N4BP2L1: variants seen among roughly 807,000 people sequenced by gnomAD.
N4BP2L1 encodes the protein NEDD4-binding protein 2-like 1.
N4BP2L1 carries 12 observed loss-of-function variants against 21.2 expected under a neutral mutation model. That is an observed-to-expected ratio of 0.57 (90% confidence interval 0.36 to 0.92). The LOEUF (loss-of-function observed/expected upper bound fraction) is 0.92. Ranked by LOEUF, N4BP2L1 falls within the 40% of genes least tolerant of loss-of-function variation. The pLI is 0.01. For synonymous variants in N4BP2L1, 104 were observed against 112.8 expected (o/e 0.92, Z 0.49); for missense variants, 259 against 310.6 (o/e 0.83, Z 1.25).
At chr13:32,404,823 G>C (rs755697048) in intron 3 of N4BP2L1, among the ~76,000 whole-genome samples, 1 of 151,512 alleles carries the variant, frequency 6.6e-6, no homozygotes, top group East Asian at 1.9e-4. Flanking sequence ...GAACATAACT[G>C]GTGAAATAAA....
chr13:32,408,024 C>A (rs1369272779), intron 1 of N4BP2L1, among the ~76,000 whole-genome samples: 1 of 152,234 alleles, frequency 6.6e-6, no homozygotes, highest in Non-Finnish European at 1.5e-5. Context: ...GGCACAGTCA[C>A]TGCCGCTGCC....
rs931948322 is a variant in N4BP2L1, at chr13:32,411,614, G to A, written c.180-3842C>T. On this transcript the variant is annotated intron_variant, in intron 1 of 4. Coordinates refer to ENST00000380130, the MANE Select transcript of N4BP2L1 (RefSeq NM_052818.3). Reference sequence around the variant, plus strand: ...GAGCCTCATGCATTAGGGAAATTGAGAGAATGAAAATAAAAGGGAAAAAAT... The same window carrying A: ...GAGCCTCATGCATTAGGGAAATTGAAAGAATGAAAATAAAAGGGAAAAAAT... 4.1e-6 allele frequency: 4 copies of A among 984,970 alleles called. No homozygotes were observed. The African/African-American group carries it at 7.0e-5, about 17-fold the overall frequency. The allele number at this position is 984,970 out of a possible 1,614,324, so 61.0% of individuals were successfully genotyped here. A position where few individuals can be genotyped will look rare whatever the true frequency, so the allele number is the denominator to read the frequency against.
rs141079051 is a variant in N4BP2L1 at position 32,405,727 on chromosome 13, T to G, written c.397-1330A>C. ...ACAATCTGGGCATAAGTGGAACTGA[T>G]GAAGATCATTAGAGAAAAGCACACC... On this transcript the variant is annotated intron_variant, in intron 3 of 4. Transcript: ENST00000380130. 3.6e-3 allele frequency among the ~76,000 whole-genome samples: 546 copies of G among 152,162 alleles called. 2 individuals are homozygous for G. The highest frequency in any genetic ancestry group is 6.0e-3 in the Non-Finnish European group (407 of 67,998).
At chr13:32,404,121 A>C (rs957174373) in intron 4 of N4BP2L1, 200 bp downstream of exon 4, 6 of 1,582,296 alleles carry the variant, frequency 3.8e-6, no homozygotes, top group Non-Finnish European at 5.2e-6. Context: ...AAGATTTAGC[A>C]TTTAGCATTA....
At chr13:32,427,347 C>T (rs1031275504) in intron 1 of N4BP2L1, among the ~76,000 whole-genome samples, 2 of 152,248 alleles carry the variant, frequency 1.3e-5, no homozygotes, top group Admixed American at 6.5e-5. Flanking sequence ...ACGGCCGCCC[C>T]GGGCCCCCAC....
intron 4 of N4BP2L1, chr13:32,403,601 T>C (rs552827232): frequency 3.6e-5 from 17 of 473,756 alleles, no homozygotes; most frequent in African/African-American, 3.2e-4. Flanking sequence ...TAAAACAATC[T>C]TAAATTCTAG....
chr13:32,403,274 G>T, intron 4 of N4BP2L1, 74 bp from the exon 5 acceptor site: 3 of 1,455,886 alleles, frequency 2.1e-6, no homozygotes, highest in Non-Finnish European at 1.9e-6. Flanking sequence ...AAGTCCTCTA[G>T]TATTGCAGAT....
intron 3 of N4BP2L1, chr13:32,406,349 A>G (rs1397504337): frequency 6.6e-6 from 1 of 152,252 alleles, no homozygotes; most frequent in African/African-American, 2.4e-5. Flanking sequence ...GCACACTGTT[A>G]CAGGCATCGT....
At position 32,403,903 on chromosome 13, in the gene N4BP2L1, G is replaced by A. The variant is rs561314766; in HGVS notation, c.473+418C>T. On this transcript the variant is annotated intron_variant, in intron 4 of 4. Coordinates refer to ENST00000380130, the MANE Select transcript of N4BP2L1 (RefSeq NM_052818.3). Reference sequence around the variant, plus strand: ...TTCAATCAACAAGTTAGTATTATTTGAACATTTATTGCTTTATAAATTAGA... The same window carrying A: ...TTCAATCAACAAGTTAGTATTATTTAAACATTTATTGCTTTATAAATTAGA... 17 of 491,988 alleles carry A rather than the reference G, an allele frequency of 3.5e-5. No homozygotes were observed. In the East Asian group the frequency reaches 6.2e-4, roughly 18 times the overall value. The allele number at this position is 491,988 out of a possible 1,614,324, so 30.5% of individuals were successfully genotyped here.
chr13:32,402,149 T>G lies in N4BP2L1; in HGVS notation c.*793A>C. 4.1e-6 allele frequency: 4 copies of G among 985,088 alleles called. No individual in the cohort carries two copies. The highest frequency in any genetic ancestry group is 4.8e-6 in the Non-Finnish European group (4 of 829,622). The allele number at this position is 985,088 out of a possible 1,614,324, so 61.0% of individuals were successfully genotyped here. On this transcript the variant is annotated 3_prime_UTR_variant, in exon 5 of 5. Transcript: ENST00000380130. ...AATTTTAGAAGTCGTTTATTCCTTT[T>G]AAAAGTTAGTGTTTTATGAAGGCAG...
At chr13:32,410,281 C>A (rs2073779596) in intron 1 of N4BP2L1, among the ~76,000 whole-genome samples, 1 of 152,224 alleles carries the variant, frequency 6.6e-6, no homozygotes, top group Non-Finnish European at 1.5e-5. Context: ...GGCCTGTCAT[C>A]CTTCTGAAAG....
In N4BP2L1 at chr13:32,401,944, A is replaced by G. The variant is rs1245334661; in HGVS notation, c.*998T>C. 1.0e-6 allele frequency: 1 copy of G among 985,404 alleles called. No homozygotes were observed. Among genetic ancestry groups the G allele is most frequent in the Non-Finnish European group, 1.2e-6 (1 of 829,804 alleles). 61.0% of individuals were successfully genotyped at this position (985,404 alleles called of 1,614,324 possible). On this transcript the variant is annotated 3_prime_UTR_variant, in exon 5 of 5. Transcript: ENST00000380130. ...GGATTCATAAATTCAGCATCAGTAT[A>G]AGAAGACATTCCAGAGTTGTGAGGA...
chr13:32,427,863 G>T, intron 1 of N4BP2L1, 41 bp downstream of exon 1: 1 of 1,296,038 alleles, frequency 7.7e-7, no homozygotes, highest in Non-Finnish European at 1.0e-6. Context: ...GCGTTTGGTG[G>T]CCCCGGGCCC....
chr13:32,402,524 C>G lies in N4BP2L1; in HGVS notation c.*418G>C. On this transcript the variant is annotated 3_prime_UTR_variant, in exon 5 of 5. Coordinates refer to ENST00000380130, the MANE Select transcript of N4BP2L1 (RefSeq NM_052818.3). ...GCACTTTGATAAGTAGCAATGCCCC[C>G]CCACCACTTCTCTCCACCTTCCCAA... is the stretch of plus-strand genomic sequence containing the variant. The G allele has an allele frequency of 3.0e-6, 3 of 984,634 alleles. No homozygotes were observed. Among genetic ancestry groups the G allele is most frequent in the Non-Finnish European group, 3.6e-6 (3 of 828,572 alleles). The allele number at this position is 984,634 out of a possible 1,614,324, so 61.0% of individuals were successfully genotyped here.
chr13:32,403,888 A>AAGTT (rs2073308051), intron 4 of N4BP2L1: 3 of 469,704 alleles, frequency 6.4e-6, no homozygotes, highest in South Asian at 6.0e-5. Flanking sequence ...TTCAATCAAC[A>AAGTT]AGTTAGTATT....
intron 1 of N4BP2L1, among the ~76,000 whole-genome samples, chr13:32,423,465 A>G (rs2074594444): frequency 6.6e-6 from 1 of 152,250 alleles, no homozygotes; most frequent in Non-Finnish European, 1.5e-5. Context: ...GGGGAACTGA[A>G]ATAAGATTGA....
At position 32,423,202 on chromosome 13, in the gene N4BP2L1, T is replaced by C. The variant is rs905610127; in HGVS notation, c.179+4702A>G. On this transcript the variant is annotated intron_variant, in intron 1 of 4. Coordinates refer to ENST00000380130, the MANE Select transcript of N4BP2L1 (RefSeq NM_052818.3). ...TTAGAAAAGCATCCTTTCACTTCTG[T>C]GCAAGGCTCTATAATGAAAAGAAAT... Among the ~76,000 whole-genome samples, 32 of 152,226 alleles carry C rather than the reference T, an allele frequency of 2.1e-4. 1 individual carries two copies. The highest frequency in any genetic ancestry group is 5.9e-5 in the Non-Finnish European group (4 of 68,046).
intron 4 of N4BP2L1, chr13:32,404,058 A>C: frequency 8.9e-7 from 1 of 1,126,576 alleles, no homozygotes; most frequent in Non-Finnish European, 1.2e-6. Context: ...CTTGATGAAG[A>C]AGCATTTTAG....
intron 1 of N4BP2L1, among the ~76,000 whole-genome samples, chr13:32,412,993 G>A (rs952252224): frequency 5.9e-5 from 9 of 151,946 alleles, no homozygotes; most frequent in African/African-American, 1.9e-4. Flanking sequence ...GCACGATCTC[G>A]GCTCACTGCA....
Sources: allele counts gnomAD v4.1 joint callset (sites outside exome capture counted in the v4.1 genomes callset), GRCh38; gene constraint gnomAD v4.1.1; transcripts MANE v1.5; gene names NCBI Gene and HGNC (gene_info 2026-07-23, HGNC 2026-07-21).